DNAH12: variants seen among roughly 807,000 people sequenced by gnomAD.
DNAH12 encodes axonemal beta dynein heavy chain 12.
Under a neutral mutation model 371.5 loss-of-function variants are expected in DNAH12, and 285 were observed. The ratio of observed to expected loss-of-function variants is 0.77; its 90% CI spans 0.70 to 0.85. DNAH12 has a LOEUF of 0.85. Ranked by LOEUF, DNAH12 falls within the 40% of genes least tolerant of loss-of-function variation. The pLI is 0.00. For missense variants in DNAH12, 3,611 were observed against 3,689.4 expected, an observed-to-expected ratio of 0.98 and a Z score of 0.55; for synonymous variants, 1,200 against 1,213.0, an observed-to-expected ratio of 0.99 and a Z score of 0.22.
At chr3:57,515,976 T>G (rs2068176536) in intron 4 of DNAH12, among the ~76,000 whole-genome samples, 1 of 151,928 alleles carries the variant, frequency 6.6e-6, no homozygotes, top group Non-Finnish European at 1.5e-5. Context: ...CTTTTATTTT[T>G]TTTCAATTAG....
chr3:57,519,555 T>G (rs2068331835), intron 4 of DNAH12: 1 of 645,410 alleles, frequency 1.5e-6, no homozygotes. Flanking sequence ...CACAGATCCA[T>G]CGACTCCTAT....
chr3:57,318,840 G>A (rs1039895503), intron 65 of DNAH12, among the ~76,000 whole-genome samples: 3 of 151,868 alleles, frequency 2.0e-5, no homozygotes, highest in Non-Finnish European at 4.4e-5. Flanking sequence ...CTCTAGCTTT[G>A]TTTTTTCTCA....
At chr3:57,418,454 C>A (rs991933805) in intron 37 of DNAH12, among the ~76,000 whole-genome samples, 2 of 145,462 alleles carry the variant, frequency 1.4e-5, no homozygotes, top group South Asian at 2.2e-4. Context: ...GTGGGAGGAT[C>A]GCTAGAGCCT....
At chr3:57,352,633 G>A (rs1220636207) in intron 59 of DNAH12, among the ~76,000 whole-genome samples, 1 of 151,678 alleles carries the variant, frequency 6.6e-6, no homozygotes, top group East Asian at 1.9e-4. Context: ...CTGCCCCAAA[G>A]TGACTGAAGA....
chr3:57,411,127 C>T (rs184089074), intron 39 of DNAH12, among the ~76,000 whole-genome samples: 14 of 152,264 alleles, frequency 9.2e-5, no homozygotes, highest in Admixed American at 7.9e-4. Context: ...CTACAAAAAA[C>T]TCCTGGAACT....
intron 11 of DNAH12, chr3:57,497,943 C>T (rs1260252018): frequency 1.3e-5 from 2 of 152,080 alleles, no homozygotes; most frequent in Non-Finnish European, 2.9e-5. Flanking sequence ...TTGATTATAA[C>T]AATATAGTCC....
At chr3:57,335,695 T>C (rs2062206551) in intron 60 of DNAH12, among the ~76,000 whole-genome samples, 3 of 152,222 alleles carry the variant, frequency 2.0e-5, no homozygotes. Context: ...GCACCGCTGT[T>C]GCATATGCAG....
chr3:57,334,251 G>T (rs928305428), intron 62 of DNAH12, among the ~76,000 whole-genome samples: 1 of 152,144 alleles, frequency 6.6e-6, no homozygotes, highest in Non-Finnish European at 1.5e-5. Flanking sequence ...GAAATCCTGG[G>T]TGGGGTGAAA....
chr3:57,482,733 T>G (rs987324289), intron 13 of DNAH12, among the ~76,000 whole-genome samples: 2 of 151,830 alleles, frequency 1.3e-5, no homozygotes, highest in African/African-American at 4.8e-5. Context: ...CATGGAATAC[T>G]ATGCAGCCAT....
Position 57,362,039 on chromosome 3 carries a change from G to T in DNAH12, c.9360+1555C>A, listed in dbSNP as rs1161621505. Among the ~76,000 whole-genome samples the T allele has an allele frequency of 2.8e-5, 4 of 143,436 alleles. No homozygotes were observed. In the Admixed American group the frequency reaches 2.9e-4, roughly 10 times the overall value. The allele number at this position is 143,436 out of a possible 152,430, so 94.1% of individuals were successfully genotyped here. A position where few individuals can be genotyped will look rare whatever the true frequency, so the allele number is the denominator to read the frequency against. ...TCCCCCCACCCCATGACAGCTCCCA[G>T]TGTATGATGTTCCCCACCCTGTGTC... On this transcript the variant is annotated intron_variant, in intron 58 of 73. Coordinates refer to ENST00000495027, the MANE Select transcript of DNAH12 (RefSeq NM_001366028.2).
chr3:57,455,182 T>C lies in DNAH12; in HGVS notation c.3337-288A>G, dbSNP rs138683992. ...GTTGATTTCTGTGTGATTTTTATGT[T>C]CCTTTGCTGTGGAGAGTTGTCAAGT... On this transcript the variant is annotated intron_variant, in intron 22 of 73. Coordinates refer to ENST00000495027, the MANE Select transcript of DNAH12 (RefSeq NM_001366028.2). Among the ~76,000 whole-genome samples the C allele has an allele frequency of 9.9e-4, 150 of 152,222 alleles. 1 individual carries two copies. The highest frequency in any genetic ancestry group is 3.5e-3 in the African/African-American group (146 of 41,558).
At chr3:57,534,267 C>T (rs2068949308) in intron 2 of DNAH12, among the ~76,000 whole-genome samples, 1 of 152,194 alleles carries the variant, frequency 6.6e-6, no homozygotes. Flanking sequence ...CAATTCAAGA[C>T]TCTTTCCTGC....
At chr3:57,450,894 T>C (rs538383428) in intron 25 of DNAH12, among the ~76,000 whole-genome samples, 1 of 152,352 alleles carries the variant, frequency 6.6e-6, no homozygotes, top group South Asian at 2.1e-4. Context: ...AGCTGCTCTT[T>C]TCTCCTTATC....
intron 50 of DNAH12, among the ~76,000 whole-genome samples, chr3:57,381,070 A>T (rs2063380028): frequency 6.6e-6 from 1 of 152,188 alleles, no homozygotes; most frequent in Non-Finnish European, 1.5e-5. Context: ...CAAATTCCGC[A>T]CTTACCTAGG....
rs1266004037 is a variant in DNAH12 at position 57,387,201 on chromosome 3, G to A, written c.7324C>T (p.Leu2442Phe). 6.6e-6 allele frequency: 1 copy of A among 152,110 alleles called. No individual in the cohort carries two copies. The highest frequency in any genetic ancestry group is 1.5e-5 in the Non-Finnish European group (1 of 68,024). 9.4% of individuals were successfully genotyped at this position (152,110 alleles called of 1,614,324 possible). ...DWFQSWPEDALERVAVKFLET... is the reference protein window; with the variant it reads ...DWFQSWPEDAFERVAVKFLET... The stretch of plus-strand genomic sequence containing the variant: ...AAGAATTTCACAGCTACACGTTCAA[G>A]AGCATCTTCAGGCCATGACTAAAAA... The change falls in exon 46 of 74, where the codon CTT becomes TTT. Residue 2442 changes from leucine to phenylalanine, a missense_variant. By Grantham distance (22) the Leu-to-Phe change is conservative. Coordinates refer to ENST00000495027, the MANE Select transcript of DNAH12 (RefSeq NM_001366028.2).
At chr3:57,328,511 C>T (rs1343345050) in intron 62 of DNAH12, among the ~76,000 whole-genome samples, 1 of 148,920 alleles carries the variant, frequency 6.7e-6, no homozygotes, top group African/African-American at 2.5e-5. Flanking sequence ...AATTCAACAA[C>T]CCTTCATGCT....
the DNAH12 span, among the ~76,000 whole-genome samples, chr3:57,555,629 C>T: frequency 1.3e-5 from 2 of 152,176 alleles, no homozygotes; most frequent in Non-Finnish European, 2.9e-5. Flanking sequence ...GGTAATATCT[C>T]GGGACTCTGC....
At chr3:57,508,624 G>A in intron 6 of DNAH12, 84 bp from the exon 7 acceptor site, 2 of 1,450,290 alleles carry the variant, frequency 1.4e-6, no homozygotes, top group Non-Finnish European at 1.8e-6. Context: ...CATGAAATTA[G>A]TATTGAAGTG....
At chr3:57,325,591 C>A (rs574855712) in intron 62 of DNAH12, among the ~76,000 whole-genome samples, 1 of 152,170 alleles carries the variant, frequency 6.6e-6, no homozygotes, top group South Asian at 2.1e-4. Flanking sequence ...CATCAAAGAC[C>A]AAAAGTAGAT....
Sources: allele counts gnomAD v4.1 joint callset (sites outside exome capture counted in the v4.1 genomes callset), GRCh38; gene constraint gnomAD v4.1.1; transcripts MANE v1.5; gene names NCBI Gene and HGNC (gene_info 2026-07-23, HGNC 2026-07-21).